The following MLX variants were observed in gnomAD, a reference collection of about 807,000 sequenced individuals.
MLX encodes the protein MAX dimerization protein MLX.
MLX carries 15 observed loss-of-function variants against 33.0 expected under a neutral mutation model. The ratio of observed to expected loss-of-function variants is 0.45; its 90% confidence interval spans 0.30 to 0.70. The LOEUF is 0.70. Among genes scored for constraint, MLX ranks in the 30% least tolerant of loss-of-function variants. MLX has a pLI of 0.07. For missense variants in MLX, 285 were observed against 306.3 expected (o/e 0.93, Z 0.52); for synonymous variants, 115 against 115.6 (o/e 0.99, Z 0.03).
chr17:42,568,671 T>C, intron 3 of MLX, 112 bp downstream of exon 3: 1 of 1,160,812 alleles, frequency 8.6e-7, no homozygotes, highest in South Asian at 1.2e-5. Context: ...GGAGCCAAAG[T>C]ATCAGACACA....
rs866239192 is a variant in MLX at position 42,571,945 on chromosome 17, T to G, written c.*342T>G. On this transcript the variant is annotated 3_prime_UTR_variant, in exon 8 of 8. Transcript: ENST00000435881. ...TCAAGCCTCAGATTTCTGCTCATGA[T>G]CTACATAGATTTGGAAACTGTTTTC... The G allele has an allele frequency of 1.2e-5, 4 of 320,110 alleles. No homozygotes were observed. Among genetic ancestry groups the G allele is most frequent in the African/African-American group, 6.5e-5 (3 of 46,424 alleles). 19.8% of individuals were successfully genotyped at this position (320,110 alleles called of 1,614,324 possible). A position where few individuals can be genotyped will look rare whatever the true frequency, so the allele number is the denominator to read the frequency against.
At chr17:42,569,863 A>C (rs2093023579) in intron 6 of MLX, 119 bp from the exon 7 acceptor site, 2 of 958,710 alleles carry the variant, frequency 2.1e-6, no homozygotes, top group Non-Finnish European at 3.2e-6. Context: ...CCTGATACTG[A>C]ACCCCACCCA....
At chr17:42,569,003 C>A in intron 4 of MLX, 60 bp downstream of exon 4, 3 of 1,532,788 alleles carry the variant, frequency 2.0e-6, no homozygotes, top group South Asian at 2.3e-5. Context: ...TTTAGCTTCC[C>A]TGTGCCCTGA....
intron 4 of MLX, 24 bp from the exon 5 acceptor site, chr17:42,569,180 C>T: frequency 6.2e-7 from 1 of 1,603,648 alleles, no homozygotes; most frequent in Non-Finnish European, 8.5e-7. Flanking sequence ...GTTAAAGAAC[C>T]CATTTCCCCT....
At chr17:42,567,735 G>T in intron 2 of MLX, 80 bp downstream of exon 2, 5 of 1,582,768 alleles carry the variant, frequency 3.2e-6, no homozygotes, top group South Asian at 2.2e-5. Flanking sequence ...TGCCAACCAC[G>T]CCTGAGCACA....
intron 2 of MLX, 111 bp from the exon 3 acceptor site, chr17:42,568,359 T>C: frequency 1.4e-6 from 1 of 718,974 alleles, no homozygotes; most frequent in East Asian, 2.9e-5. Context: ...CGAGACTCTG[T>C]CTAAAAAAAA....
At chr17:42,568,349 CGA>C in intron 2 of MLX, 119 bp from the exon 3 acceptor site, 1 of 641,824 alleles carries the variant, frequency 1.6e-6, no homozygotes, top group Non-Finnish European at 2.7e-6. Flanking sequence ...GGCGACTGAG[CGA>C]GACTCTGTCT....
chr17:42,567,402 A>G (rs1182281806), intron 1 of MLX: 2 of 1,410,874 alleles, frequency 1.4e-6, no homozygotes. Flanking sequence ...GGCGGAAGGG[A>G]TCATACACAG....
chr17:42,573,017 A>G lies in MLX; in HGVS notation c.*1414A>G, dbSNP rs906044092. 2 of 1,614,192 alleles carry G rather than the reference A, an allele frequency of 1.2e-6. No homozygotes were observed. The highest frequency in any genetic ancestry group is 1.7e-6 in the Non-Finnish European group (2 of 1,180,020). On this transcript the variant is annotated 3_prime_UTR_variant, in exon 8 of 8. Coordinates refer to ENST00000435881, the MANE Select transcript of MLX (RefSeq NM_198204.2). ...GTAATCTTCATCCGTCTCTATCCCA[A>G]CTTCCTCCTGTGAGACAGGGAGACA...
intron 5 of MLX, 39 bp downstream of exon 5, chr17:42,569,342 C>T (rs632758): frequency 3.1e-6 from 5 of 1,596,172 alleles, no homozygotes; most frequent in South Asian, 2.2e-5. Flanking sequence ...TGGAGCCAAG[C>T]GGGGCTGTGA....
intron 2 of MLX, chr17:42,567,933 A>C (rs2143247664): frequency 1.8e-6 from 1 of 549,002 alleles, no homozygotes; most frequent in East Asian, 3.0e-5. Flanking sequence ...CCCGTTTGTG[A>C]GCCAGGGGGG....
chr17:42,573,187 C>G lies in MLX; in HGVS notation c.*1584C>G. On this transcript the variant is annotated 3_prime_UTR_variant, in exon 8 of 8. Coordinates refer to ENST00000435881, the MANE Select transcript of MLX (RefSeq NM_198204.2). Reference sequence around the variant, plus strand: ...GTAGCCTGACAAGAAATAAAACCACCCGTTTTCAGATGGGCAGCACTGGGC... The same window carrying G: ...GTAGCCTGACAAGAAATAAAACCACGCGTTTTCAGATGGGCAGCACTGGGC... 1 of 1,614,150 alleles carries G rather than the reference C, an allele frequency of 6.2e-7. No homozygotes were observed. Among genetic ancestry groups the G allele is most frequent in the Non-Finnish European group, 8.5e-7 (1 of 1,180,024 alleles).
At chr17:42,568,368 A>AAAT in intron 2 of MLX, 102 bp from the exon 3 acceptor site, 1 of 813,182 alleles carries the variant, frequency 1.2e-6, no homozygotes, top group Non-Finnish European at 2.0e-6. Context: ...GTCTAAAAAA[A>AAAT]AAATAAATAA....
Position 42,572,070 on chromosome 17 carries a change from T to TAAGA in MLX, c.*468_*471dup, listed in dbSNP as rs1294349673. The TAAGA allele has an allele frequency of 2.3e-5, 6 of 255,552 alleles. No individual in the cohort carries two copies. The highest frequency in any genetic ancestry group is 4.7e-5 in the Non-Finnish European group (6 of 128,812). 15.8% of individuals were successfully genotyped at this position (255,552 alleles called of 1,614,324 possible). A position where few individuals can be genotyped will look rare whatever the true frequency, so the allele number is the denominator to read the frequency against. ...CAGTAGCTGTATGGGAGAAAAAGAG[T>TAAGA]AAGAGGAAATATTCCCACAGCCATG... On this transcript the variant is annotated 3_prime_UTR_variant, in exon 8 of 8. Transcript: ENST00000435881.
intron 7 of MLX, among the ~76,000 whole-genome samples, 181 bp downstream of exon 7, chr17:42,570,364 C>T (rs909725927): frequency 2.6e-5 from 4 of 152,166 alleles, no homozygotes; most frequent in Non-Finnish European, 4.4e-5. Context: ...CTTCATGTTA[C>T]GGTTTCATTC....
At chr17:42,570,748 C>T (rs1040604696) in intron 7 of MLX, among the ~76,000 whole-genome samples, 9 of 151,882 alleles carry the variant, frequency 5.9e-5, no homozygotes, top group Non-Finnish European at 7.4e-5. Context: ...CTCCGCCTCC[C>T]GGGTTCACGC....
chr17:42,568,534 C>T lies in MLX; in HGVS notation c.144C>T (p.Thr48=). 4 of 1,613,874 alleles carry T rather than the reference C, an allele frequency of 2.5e-6. No individual in the cohort carries two copies. Among genetic ancestry groups the T allele is most frequent in the Non-Finnish European group, 3.4e-6 (4 of 1,179,874 alleles). ...CCAGAGCTAATAGCATCGGTTCCAC[C>T]AGTGCCTCTTCTGTCCCCAACACAG... ...VVSRANSIGS[T]SASSVPNTDD... The change falls in exon 3 of 8, where the codon ACC becomes ACT. Residue 48 remains threonine, a synonymous_variant. Coordinates refer to ENST00000435881, the MANE Select transcript of MLX (RefSeq NM_198204.2).
intron 4 of MLX, 33 bp from the exon 5 acceptor site, chr17:42,569,171 T>C: frequency 1.3e-6 from 2 of 1,595,526 alleles, no homozygotes; most frequent in Middle Eastern, 1.7e-4. Flanking sequence ...TCTCTCAGGG[T>C]TAAAGAACCC....
chr17:42,569,413 A>AG, intron 5 of MLX, 94 bp from the exon 6 acceptor site: 1 of 1,488,882 alleles, frequency 6.7e-7, no homozygotes, highest in Non-Finnish European at 9.4e-7. Flanking sequence ...GCCATGGGAT[A>AG]GTTGGGGTCT....
Sources: allele counts gnomAD v4.1 joint callset (sites outside exome capture counted in the v4.1 genomes callset), GRCh38; gene constraint gnomAD v4.1.1; transcripts MANE v1.5; gene names NCBI Gene and HGNC (gene_info 2026-07-23, HGNC 2026-07-21).